Variants in MEIOB observed in about 807,000 individuals in gnomAD.
The protein encoded by MEIOB is meiosis-specific with OB domain-containing protein.
In MEIOB, 50 loss-of-function variants were observed where a neutral mutation model predicts 53.1. That is an observed-to-expected ratio of 0.94 (90% CI 0.75 to 1.19). The LOEUF is 1.19. Among genes scored for constraint, MEIOB ranks in the 50% most tolerant of loss-of-function variants. The probability of loss-of-function intolerance (pLI) is 0.00; values close to 1 mark genes in which losing one functional copy is unlikely to be tolerated. For synonymous variants in MEIOB, 192 were observed against 182.5 expected, an observed-to-expected ratio of 1.05 and a Z score of -0.42; for missense variants, 551 against 550.8, an observed-to-expected ratio of 1.00 and a Z score of 0.00.
At chr16:1,843,313 AT>A (rs1438165183) in intron 10 of MEIOB, 5 of 151,514 alleles carry the variant, frequency 3.3e-5, no homozygotes, top group African/African-American at 9.7e-5. Flanking sequence ...ATAAAAAAAA[AT>A]AATAAATAAA....
intron 4 of MEIOB, among the ~76,000 whole-genome samples, chr16:1,861,374 C>T (rs370461190): frequency 5.3e-5 from 8 of 152,048 alleles, no homozygotes; most frequent in African/African-American, 1.7e-4. Flanking sequence ...TATTCAGTGG[C>T]TGTATTATAT....
intron 13 of MEIOB, chr16:1,837,568 G>C (rs1209492674): frequency 5.7e-6 from 2 of 351,224 alleles, no homozygotes; most frequent in African/African-American, 4.2e-5. Flanking sequence ...TTTCTTTGTT[G>C]GTCTATTTTC....
chr16:1,854,856 G>C (rs1742427), intron 6 of MEIOB, among the ~76,000 whole-genome samples: 256 of 151,370 alleles, frequency 1.7e-3, no homozygotes, highest in African/African-American at 5.9e-3. Context: ...AAGAAGAGTT[G>C]AAACTAGGAC....
chr16:1,862,789 G>C (rs1742439), intron 3 of MEIOB, among the ~76,000 whole-genome samples: 125,013 of 151,540 alleles, frequency 0.82, 51,686 homozygotes, highest in Middle Eastern at 0.9. Flanking sequence ...GTGGTGGTGG[G>C]CGCCTGTAAT....
intron 11 of MEIOB, 67 bp from the exon 12 acceptor site, chr16:1,839,505 A>G: frequency 7.1e-7 from 1 of 1,417,938 alleles, no homozygotes; most frequent in South Asian, 1.4e-5. Context: ...TGTAGCAGAA[A>G]AAGAATTGTC....
At chr16:1,866,189 T>A (rs1899589185) in intron 2 of MEIOB, among the ~76,000 whole-genome samples, 1 of 152,250 alleles carries the variant, frequency 6.6e-6, no homozygotes, top group South Asian at 2.1e-4. Context: ...TTTGCCACAG[T>A]CTTCAAAGCT....
Position 1,839,238 on chromosome 16 carries a change from T to C in MEIOB, c.1218+17A>G. ...CTTTGGAAATATTCTAAACATTTCT[T>C]CCTTTTTGCTATTTACCGTGCAGCC... On this transcript the variant is annotated intron_variant, in intron 12 of 13. Coordinates refer to ENST00000325962, the MANE Select transcript of MEIOB (RefSeq NM_001163560.3). The C allele has an allele frequency of 4.5e-6, 7 of 1,556,494 alleles. No individual in the cohort carries two copies. Among genetic ancestry groups the C allele is most frequent in the Non-Finnish European group, 6.1e-6 (7 of 1,152,428 alleles).
intron 5 of MEIOB, among the ~76,000 whole-genome samples, chr16:1,859,106 C>A (rs2754187): frequency 0.83 from 125,646 of 152,152 alleles, 51,999 homozygotes; most frequent in Middle Eastern, 0.9. Flanking sequence ...GGCAAAATCC[C>A]AGTAATTGAC....
intron 13 of MEIOB, among the ~76,000 whole-genome samples, chr16:1,834,591 C>A (rs1050217926): frequency 1.3e-5 from 2 of 152,182 alleles, no homozygotes; most frequent in African/African-American, 4.8e-5. Flanking sequence ...AAAATTTTGT[C>A]ACTTTTCATG....
At chr16:1,856,429 C>G (rs1381143754) in intron 6 of MEIOB, among the ~76,000 whole-genome samples, 1 of 152,052 alleles carries the variant, frequency 6.6e-6, no homozygotes, top group Non-Finnish European at 1.5e-5. Context: ...ACGCCATTCT[C>G]CTGCCTCAGC....
At position 1,861,613 on chromosome 16, in the gene MEIOB, G is replaced by A. The variant is rs556626437; in HGVS notation, c.259+372C>T. Among the ~76,000 whole-genome samples, 4 of 147,312 alleles carry A rather than the reference G, an allele frequency of 2.7e-5. 1 individual carries two copies. In the South Asian group the frequency reaches 8.6e-4, roughly 32 times the overall value. The stretch of plus-strand genomic sequence containing the variant: ...GCTGGAGTGCAGAGGTACGATGTTG[G>A]CTCGCTGCAACCTCCACCTCCAGGG... On this transcript the variant is annotated intron_variant, in intron 4 of 13. Coordinates refer to ENST00000325962, the MANE Select transcript of MEIOB (RefSeq NM_001163560.3).
chr16:1,865,959 T>C lies in MEIOB; in HGVS notation c.70-124A>G, dbSNP rs562460831. On this transcript the variant is annotated intron_variant, in intron 2 of 13. Coordinates refer to ENST00000325962, the MANE Select transcript of MEIOB (RefSeq NM_001163560.3). ...CATTTCTGACTAGGAACCATTTAAA[T>C]GTATTTATTCCAGGCAAACATCTAA... 489 of 631,056 alleles carry C rather than the reference T, an allele frequency of 7.7e-4. 8 individuals are homozygous for C. The South Asian group carries it at 8.2e-3, about 11-fold the overall frequency. 39.1% of individuals were successfully genotyped at this position (631,056 alleles called of 1,614,324 possible).
At chr16:1,862,313 A>G (rs1899467882) in intron 3 of MEIOB, among the ~76,000 whole-genome samples, 197 bp from the exon 4 acceptor site, 1 of 152,202 alleles carries the variant, frequency 6.6e-6, no homozygotes, top group Non-Finnish European at 1.5e-5. Context: ...ATATTCTATA[A>G]CATGCTTCTA....
chr16:1,847,048 A>C (rs1428983578), intron 9 of MEIOB, among the ~76,000 whole-genome samples: 3 of 151,948 alleles, frequency 2.0e-5, no homozygotes, highest in African/African-American at 7.3e-5. Flanking sequence ...CCAGCTACTC[A>C]GGAGGCTCAG....
intron 10 of MEIOB, among the ~76,000 whole-genome samples, chr16:1,844,122 C>CT (rs755682782): frequency 0.011 from 1,437 of 129,408 alleles, 21 homozygotes; most frequent in African/African-American, 0.021. Context: ...TATTATGTTT[C>CT]TTTTTTTTTT....
intron 9 of MEIOB, 65 bp downstream of exon 9, chr16:1,852,974 T>A: frequency 1.0e-6 from 1 of 960,436 alleles, no homozygotes. Context: ...TTAAATATAC[T>A]GTATAAATAT....
At chr16:1,853,671 G>T (rs968490883) in intron 7 of MEIOB, among the ~76,000 whole-genome samples, 2 of 152,154 alleles carry the variant, frequency 1.3e-5, no homozygotes, top group Non-Finnish European at 2.9e-5. Context: ...AGTTCCTTTG[G>T]TACCCAGGCA....
intron 7 of MEIOB, 59 bp from the exon 8 acceptor site, chr16:1,853,330 A>G: frequency 1.6e-6 from 2 of 1,280,848 alleles, no homozygotes; most frequent in Non-Finnish European, 2.2e-6. Flanking sequence ...ACTGATAGTG[A>G]CATATTATTT....
chr16:1,865,883 C>T (rs1899582513), intron 2 of MEIOB, 48 bp from the exon 3 acceptor site: 2 of 1,320,244 alleles, frequency 1.5e-6, no homozygotes, highest in Non-Finnish European at 2.1e-6. Flanking sequence ...CACAGATGTA[C>T]TTGATAAATT....
Sources: allele counts gnomAD v4.1 joint callset (sites outside exome capture counted in the v4.1 genomes callset), GRCh38; gene constraint gnomAD v4.1.1; transcripts MANE v1.5; gene names NCBI Gene and HGNC (gene_info 2026-07-23, HGNC 2026-07-21).